HARBI1: variants seen among roughly 807,000 people sequenced by gnomAD.
The protein encoded by HARBI1 is harbinger transposase derived 1.
A neutral mutation model predicts 25.3 loss-of-function variants in HARBI1; 15 were observed. The ratio of observed to expected loss-of-function variants is 0.59; its 90% CI spans 0.40 to 0.91. The LOEUF is 0.91. HARBI1 is among the 40% of genes least tolerant of loss of function. The probability of loss-of-function intolerance (pLI) is 0.00; values close to 1 mark genes in which losing one functional copy is unlikely to be tolerated. For synonymous variants in HARBI1, 168 were observed against 160.5 expected (o/e 1.05, Z -0.35); for missense variants, 396 against 445.8 (o/e 0.89, Z 1.01).
upstream of HARBI1, chr11:46,617,446 T>C: frequency 5.3e-6 from 1 of 189,146 alleles, no homozygotes; most frequent in Non-Finnish European, 1.1e-5. Context: ...CTTTTATGGA[T>C]ATTTTGAGGA....
At chr11:46,607,547 A>G (rs2045003137) in intron 2 of HARBI1, among the ~76,000 whole-genome samples, 1 of 152,224 alleles carries the variant, frequency 6.6e-6, no homozygotes, top group Non-Finnish European at 1.5e-5. Context: ...TCTCTAAGAA[A>G]TGGTATGAGT....
chr11:46,610,541 T>G (rs1356349593), intron 2 of HARBI1, among the ~76,000 whole-genome samples: 3 of 151,734 alleles, frequency 2.0e-5, no homozygotes, highest in African/African-American at 7.3e-5. Context: ...GCGCCTATAG[T>G]CCCAGCTACT....
chr11:46,615,520 C>G, intron 2 of HARBI1, 48 bp downstream of exon 2: 3 of 1,558,682 alleles, frequency 1.9e-6, no homozygotes, highest in Non-Finnish European at 2.6e-6. Flanking sequence ...GCCTACATAA[C>G]TTTTCTATGC....
At chr11:46,605,047 G>A (rs563917955) in intron 2 of HARBI1, among the ~76,000 whole-genome samples, 11 of 152,204 alleles carry the variant, frequency 7.2e-5, no homozygotes, top group Non-Finnish European at 1.2e-4. Context: ...GAGATGTCCC[G>A]CACAGAGGCA....
chr11:46,613,974 A>G (rs1180873935), intron 2 of HARBI1, among the ~76,000 whole-genome samples: 1 of 151,960 alleles, frequency 6.6e-6, no homozygotes, highest in Non-Finnish European at 1.5e-5. Context: ...CCCAGACAGG[A>G]TTGTTTTTAT....
At chr11:46,610,885 T>C (rs1320094710) in intron 2 of HARBI1, among the ~76,000 whole-genome samples, 2 of 152,174 alleles carry the variant, frequency 1.3e-5, no homozygotes, top group African/African-American at 2.4e-5. Context: ...CCAGGAATAT[T>C]TGCCAAATAA....
intron 2 of HARBI1, among the ~76,000 whole-genome samples, chr11:46,607,764 A>T (rs2045011221): frequency 6.6e-6 from 1 of 152,202 alleles, no homozygotes; most frequent in Non-Finnish European, 1.5e-5. Flanking sequence ...GCTGCTTAAT[A>T]GGACTAGGCC....
chr11:46,603,620 C>A lies in HARBI1; in HGVS notation c.960G>T (p.Gln320His). ...WSSPMTGPME[Q>H]PPEEEYEHME... is the part of the protein sequence containing the mutation. ...TGTGCTCATACTCCTCTTCCGGGGG[C>A]TGTTCCATGGGTCCTGTCATTGGAG... The change falls in exon 3 of 3, where the codon CAG (glutamine) becomes CAT (histidine). Residue 320 changes from glutamine to histidine, a missense_variant. Coordinates refer to ENST00000326737, the MANE Select transcript of HARBI1 (RefSeq NM_173811.4). The A allele has an allele frequency of 6.2e-7, 1 of 1,614,232 alleles. No homozygotes were observed. The highest frequency in any genetic ancestry group is 8.5e-7 in the Non-Finnish European group (1 of 1,180,040).
At chr11:46,606,555 C>G (rs1230053766) in intron 2 of HARBI1, among the ~76,000 whole-genome samples, 1 of 152,146 alleles carries the variant, frequency 6.6e-6, no homozygotes, top group Non-Finnish European at 1.5e-5. Flanking sequence ...CTCAGATGAT[C>G]CGCTCCCTTT....
intron 2 of HARBI1, among the ~76,000 whole-genome samples, chr11:46,609,947 G>A (rs2045110112): frequency 6.7e-6 from 1 of 149,338 alleles, no homozygotes; most frequent in Non-Finnish European, 1.5e-5. Context: ...CCACCTCCCA[G>A]GTTCAAGTGA....
At chr11:46,616,850 A>C (rs888787882) in intron 1 of HARBI1, 14 of 981,550 alleles carry the variant, frequency 1.4e-5, no homozygotes, top group African/African-American at 1.1e-4. Context: ...AAAAAAAAAA[A>C]AAAAAAAAAA....
rs963141321 is a variant in HARBI1 at position 46,616,348 on chromosome 11, C to T, written c.-111G>A. ...AGTATCAGAATCCAACAGCTAACCA[C>T]AGTTAAATGGCTCTGCCATTTATAA... On this transcript the variant is annotated 5_prime_UTR_variant, in exon 2 of 3. In the 5' UTR this introduces an upstream ATG that the reference lacks. Coordinates refer to ENST00000326737, the MANE Select transcript of HARBI1 (RefSeq NM_173811.4). The T allele has an allele frequency of 1.3e-6, 2 of 1,486,748 alleles. No individual in the cohort carries two copies. The highest frequency in any genetic ancestry group is 1.4e-5 in the South Asian group (1 of 71,818). The allele number at this position is 1,486,748 out of a possible 1,614,324, so 92.1% of individuals were successfully genotyped here.
At chr11:46,606,178 G>A (rs1478200688) in intron 2 of HARBI1, among the ~76,000 whole-genome samples, 4 of 151,960 alleles carry the variant, frequency 2.6e-5, no homozygotes, top group African/African-American at 9.7e-5. Flanking sequence ...GAGACACCAC[G>A]CCCGGCCATA....
chr11:46,616,830 GCAAAAAAAAAA>G, intron 1 of HARBI1: 2 of 72,668 alleles, frequency 2.8e-5, no homozygotes, highest in Non-Finnish European at 3.2e-5. Flanking sequence ...AAAAGAAGGG[GCAAAAAAAAAA>G]AAAAAAAAAA....
chr11:46,613,326 A>G (rs2045256276), intron 2 of HARBI1, among the ~76,000 whole-genome samples: 2 of 152,060 alleles, frequency 1.3e-5, no homozygotes, highest in Non-Finnish European at 2.9e-5. Flanking sequence ...TAACTTTCAT[A>G]TATATTACCT....
At position 46,616,177 on chromosome 11, in the gene HARBI1, T is replaced by G; in HGVS notation, c.61A>C (p.Thr21Pro). 1.2e-6 allele frequency: 2 copies of G among 1,613,672 alleles called. No homozygotes were observed. Among genetic ancestry groups the G allele is most frequent in the African/African-American group, 1.3e-5 (1 of 75,056 alleles). Residue 21 changes from threonine to proline, a missense_variant, in exon 2 of 3, where the codon ACA becomes CCA. Physicochemically the swap from Thr to Pro is conservative, Grantham distance 38. Transcript: ENST00000326737. Reference protein sequence around the residue: ...DLLLYGRGHRTLDRFKLDDVT... With the variant: ...DLLLYGRGHRPLDRFKLDDVT... ...TCATCCAGCTTAAAACGGTCCAATG[T>G]CCGGTGACCACGGCCATATAGCAAG...
chr11:46,617,551 C>CCCT (rs1196799681), upstream of HARBI1: 1 of 273,748 alleles, frequency 3.7e-6, no homozygotes, highest in African/African-American at 2.4e-5. Context: ...CCCCCCCCCC[C>CCCT]CGGCCATTAC....
chr11:46,617,548 C>CCT (rs1555033284), upstream of HARBI1: 2 of 248,688 alleles, frequency 8.0e-6, no homozygotes, highest in African/African-American at 6.0e-5. Context: ...TCACCCCCCC[C>CCT]CCCCGGCCAT....
intron 2 of HARBI1, among the ~76,000 whole-genome samples, chr11:46,607,022 T>A (rs1187427947): frequency 6.6e-6 from 1 of 152,156 alleles, no homozygotes; most frequent in East Asian, 1.9e-4. Flanking sequence ...CCCAGCACTT[T>A]GAGAGGCTAA....
Sources: allele counts gnomAD v4.1 joint callset (sites outside exome capture counted in the v4.1 genomes callset), GRCh38; gene constraint gnomAD v4.1.1; transcripts MANE v1.5; gene names NCBI Gene and HGNC (gene_info 2026-07-23, HGNC 2026-07-21).